Variants in PTK2 observed in about 807,000 individuals in gnomAD.
PTK2 encodes the protein protein tyrosine kinase 2.
In PTK2, 45 loss-of-function variants were observed where a neutral mutation model predicts 150.1. The ratio of observed to expected loss-of-function variants is 0.30; its 90% CI spans 0.24 to 0.38. PTK2 has a LOEUF of 0.38. Among genes scored for constraint, PTK2 ranks in the 10% least tolerant of loss-of-function variants. The pLI, the probability that PTK2 is intolerant of heterozygous loss-of-function variation, is 1.00. For missense variants in PTK2, 919 were observed against 1,307.3 expected, an observed-to-expected ratio of 0.70 and a Z score of 4.58; for synonymous variants, 432 against 449.2, an observed-to-expected ratio of 0.96 and a Z score of 0.48.
chr8:140,823,464 GCT>G (rs869165864), intron 8 of PTK2, among the ~76,000 whole-genome samples: 3 of 116,434 alleles, frequency 2.6e-5, no homozygotes, highest in East Asian at 2.9e-4. Context: ...AACAGAATCT[GCT>G]CTTGAGGTTA....
chr8:140,658,762 C>T (rs901583912), exon 32 of PTK2: 2 of 221,730 alleles, frequency 9.0e-6, no homozygotes, highest in African/African-American at 4.5e-5. Context: ...AGAGAAATAA[C>T]ATTGCTACAA....
At chr8:140,693,479 T>C (rs902748804) in intron 26 of PTK2, among the ~76,000 whole-genome samples, 10 of 147,046 alleles carry the variant, frequency 6.8e-5, no homozygotes, top group African/African-American at 2.5e-4. Flanking sequence ...GAGGATGACT[T>C]GAGCCCAGGA....
chr8:140,982,565 C>A (rs537640750), intron 1 of PTK2, among the ~76,000 whole-genome samples: 1 of 152,098 alleles, frequency 6.6e-6, no homozygotes. Context: ...CCACTGTACT[C>A]CAGCCTGGGC....
intron 1 of PTK2, among the ~76,000 whole-genome samples, chr8:140,987,532 AATAACC>A (rs2100193753): frequency 6.6e-6 from 1 of 152,340 alleles, no homozygotes; most frequent in Admixed American, 6.5e-5. Context: ...GCGGATGGCA[AATAACC>A]ATATAAGAAG....
chr8:140,797,914 G>A (rs1040587408), intron 12 of PTK2, among the ~76,000 whole-genome samples: 1 of 152,060 alleles, frequency 6.6e-6, no homozygotes, highest in Non-Finnish European at 1.5e-5. Context: ...CTGTGTAGCT[G>A]GAATTACAGA....
At chr8:140,668,666 T>A in intron 29 of PTK2, 2 of 362,286 alleles carry the variant, frequency 5.5e-6, no homozygotes, top group African/African-American at 4.2e-5. Flanking sequence ...GATGGAATCA[T>A]ACATATTATA....
Position 140,858,889 on chromosome 8 carries a change from T to C in PTK2, c.450+5423A>G, listed in dbSNP as rs141647679. 6.5e-3 allele frequency among the ~76,000 whole-genome samples: 991 copies of C among 152,174 alleles called. 6 individuals are homozygous for C. Among genetic ancestry groups the C allele is most frequent in the African/African-American group, 0.023 (949 of 41,508 alleles). ...ACAATTAGTATCAAATGAGCCACAG[T>C]CTCTTGACTACAATGCAAAATTATT... On this transcript the variant is annotated intron_variant, in intron 5 of 31. Coordinates refer to ENST00000522684, the Ensembl canonical transcript of PTK2.
chr8:140,804,824 C>T (rs2100097373), intron 10 of PTK2, among the ~76,000 whole-genome samples: 1 of 152,166 alleles, frequency 6.6e-6, no homozygotes, highest in African/African-American at 2.4e-5. Flanking sequence ...CTGCCTTTCC[C>T]CGGGAGGCCA....
intron 14 of PTK2, among the ~76,000 whole-genome samples, chr8:140,788,044 C>A (rs889288154): frequency 6.6e-6 from 1 of 152,178 alleles, no homozygotes; most frequent in Admixed American, 6.5e-5. Flanking sequence ...TTCTCTGTAC[C>A]CACTACAGAC....
chr8:140,993,502 T>C (rs1220724146), intron 1 of PTK2, among the ~76,000 whole-genome samples: 1 of 152,188 alleles, frequency 6.6e-6, no homozygotes, highest in Non-Finnish European at 1.5e-5. Flanking sequence ...TCGTGGAGCT[T>C]ACATTCTCAC....
intron 10 of PTK2, among the ~76,000 whole-genome samples, chr8:140,808,100 G>C (rs1376131362): frequency 6.6e-6 from 1 of 152,214 alleles, no homozygotes; most frequent in Non-Finnish European, 1.5e-5. Flanking sequence ...ACCAGGGAGA[G>C]AGAGGGACAC....
chr8:140,731,149 G>A (rs1480387618), intron 22 of PTK2, among the ~76,000 whole-genome samples: 8 of 151,932 alleles, frequency 5.3e-5, no homozygotes, highest in African/African-American at 1.5e-4. Flanking sequence ...TAGTAGAGAC[G>A]GGGTTTCACC....
chr8:140,886,655 G>C (rs565302840), intron 3 of PTK2, among the ~76,000 whole-genome samples: 12 of 152,266 alleles, frequency 7.9e-5, no homozygotes, highest in South Asian at 6.2e-4. Flanking sequence ...TTTTCAAAGA[G>C]AGCCCATGCT....
intron 29 of PTK2, chr8:140,669,431 G>T: frequency 3.0e-6 from 1 of 336,250 alleles, no homozygotes; most frequent in Non-Finnish European, 5.4e-6. Context: ...TCCCATTTCT[G>T]AACCCTTGGG....
chr8:140,779,765 C>G (rs886786257), intron 14 of PTK2, among the ~76,000 whole-genome samples: 1 of 152,162 alleles, frequency 6.6e-6, no homozygotes, highest in South Asian at 2.1e-4. Flanking sequence ...ATTAGTCCAA[C>G]TGGATCAGCA....
At chr8:140,851,178 G>C (rs1190124165) in intron 5 of PTK2, among the ~76,000 whole-genome samples, 2 of 152,218 alleles carry the variant, frequency 1.3e-5, no homozygotes, top group Non-Finnish European at 2.9e-5. Flanking sequence ...TTTGTATACA[G>C]AAGGAACTCA....
chr8:140,730,102 T>C (rs1011553130), intron 22 of PTK2, among the ~76,000 whole-genome samples: 3 of 152,216 alleles, frequency 2.0e-5, no homozygotes, highest in Admixed American at 1.3e-4. Context: ...TCTAAAAATA[T>C]TCCTAAAGAG....
chr8:140,727,581 TA>T (rs529532749), intron 22 of PTK2, among the ~76,000 whole-genome samples: 4 of 151,672 alleles, frequency 2.6e-5, no homozygotes, highest in African/African-American at 4.8e-5. Context: ...CAAAATCGCT[TA>T]AAAAAAACAC....
intron 22 of PTK2, among the ~76,000 whole-genome samples, chr8:140,721,314 C>T (rs1378386973): frequency 6.6e-6 from 1 of 152,148 alleles, no homozygotes; most frequent in Admixed American, 6.5e-5. Context: ...ATCAATCAAA[C>T]CAACAGATCA....
Sources: gnomAD v4.1 joint callset for allele counts (sites outside exome capture counted in the v4.1 genomes callset) on GRCh38, gnomAD v4.1.1 for gene constraint, MANE v1.5 for transcripts, NCBI Gene and HGNC (gene_info 2026-07-23, HGNC 2026-07-21) for gene names.